PTPN14: variants seen among roughly 807,000 people sequenced by gnomAD.
PTPN14 encodes the protein protein tyrosine phosphatase non-receptor type 14, also known as tyrosine-protein phosphatase non-receptor type 14.
PTPN14 carries 53 observed loss-of-function variants against 126.8 expected under a neutral mutation model. The ratio of observed to expected loss-of-function variants is 0.42; its 90% CI spans 0.34 to 0.53. The LOEUF is 0.53. Ranked by LOEUF, PTPN14 falls within the 20% of genes least tolerant of loss-of-function variation. The probability of loss-of-function intolerance (pLI) is 0.08; values close to 1 mark genes in which losing one functional copy is unlikely to be tolerated. For missense variants in PTPN14, 1,257 were observed against 1,552.9 expected, an observed-to-expected ratio of 0.81 and a Z score of 3.20; for synonymous variants, 630 against 599.3, an observed-to-expected ratio of 1.05 and a Z score of -0.75.
At chr1:214,433,953 A>ACAC (rs1558100354) in intron 3 of PTPN14, among the ~76,000 whole-genome samples, 488 of 11,506 alleles carry the variant, frequency 0.042, 5 homozygotes, top group Non-Finnish European at 0.064. Flanking sequence ...CACACACACA[A>ACAC]AAAAAAAAAA....
At position 214,352,585 on chromosome 1, in the gene PTPN14, A is replaced by G. The variant is rs1045336082; in HGVS notation, c.*5337T>C. The G allele has an allele frequency of 6.6e-6, 1 of 152,224 alleles. No homozygotes were observed. 9.4% of individuals were successfully genotyped at this position (152,224 alleles called of 1,614,324 possible). ...GGTCCTTTGCCCCAAAATGTCTTAG[A>G]AGCTTAAGTAAAGACAAGAACTATT... is the stretch of plus-strand genomic sequence containing the variant. On this transcript the variant is annotated 3_prime_UTR_variant, in exon 19 of 19. Transcript: ENST00000366956.
At chr1:214,411,561 T>C (rs1659309887) in intron 5 of PTPN14, 123 bp downstream of exon 5, 1 of 675,246 alleles carries the variant, frequency 1.5e-6, no homozygotes, top group Non-Finnish European at 2.4e-6. Context: ...GCCCCTACTT[T>C]ATAAACCCAT....
At chr1:214,484,540 G>A (rs1661070776) in intron 1 of PTPN14, among the ~76,000 whole-genome samples, 1 of 152,178 alleles carries the variant, frequency 6.6e-6, no homozygotes, top group African/African-American at 2.4e-5. Flanking sequence ...GAGAAAACAA[G>A]ATACAGATGC....
chr1:214,374,007 C>T (rs2102524313), intron 15 of PTPN14, among the ~76,000 whole-genome samples: 1 of 152,238 alleles, frequency 6.6e-6, no homozygotes, highest in Admixed American at 6.5e-5. Flanking sequence ...CTGCTGAGAA[C>T]CATAAATAAG....
chr1:214,433,935 CACACACACACACACACAAA>C (rs1558100207), intron 3 of PTPN14, among the ~76,000 whole-genome samples: 1 of 16,718 alleles, frequency 6.0e-5, no homozygotes, highest in East Asian at 7.6e-4. Context: ...CACACACACA[CACACACACACACACACAAA>C]AAAAAAAAAA....
chr1:214,476,643 T>C (rs1378887591), intron 1 of PTPN14, among the ~76,000 whole-genome samples: 1 of 152,196 alleles, frequency 6.6e-6, no homozygotes, highest in Non-Finnish European at 1.5e-5. Context: ...TCCCTGGGAA[T>C]GTCGCCTCAT....
At chr1:214,452,192 TTAC>T (rs1403478778) in intron 2 of PTPN14, among the ~76,000 whole-genome samples, 1 of 152,212 alleles carries the variant, frequency 6.6e-6, no homozygotes, top group African/African-American at 2.4e-5. Flanking sequence ...TCCCTACTCA[TTAC>T]TACTGTTTGT....
At chr1:214,410,550 C>A (rs2102579138) in intron 5 of PTPN14, among the ~76,000 whole-genome samples, 1 of 152,332 alleles carries the variant, frequency 6.6e-6, no homozygotes, top group African/African-American at 2.4e-5. Flanking sequence ...CTAGGCCTCC[C>A]AAAGTGCTGA....
chr1:214,461,879 G>A (rs7531610), intron 2 of PTPN14, among the ~76,000 whole-genome samples: 126,134 of 152,164 alleles, frequency 0.83, 52,384 homozygotes, highest in African/African-American at 0.89. Context: ...AAGCAGCATC[G>A]GCTCTATTTG....
At chr1:214,369,851 G>T (rs191133981) in intron 16 of PTPN14, among the ~76,000 whole-genome samples, 160 bp from the exon 17 acceptor site, 127 of 152,342 alleles carry the variant, frequency 8.3e-4, no homozygotes, top group African/African-American at 3.0e-3. Context: ...ATACATGCTA[G>T]TTAAGACCAA....
Position 214,384,304 on chromosome 1 carries a change from C to T in PTPN14, c.1551G>A (p.Arg517=), listed in dbSNP as rs1454901087. The stretch of plus-strand genomic sequence containing the variant: ...TTGGTACCACATTATTCTTTGGGTT[C>T]CTCTGGTCAGATGGACTGACAAGTT... ...SNKLVSPSDQ[R]NPKNNVVPSK... is the part of the protein sequence containing the mutation. The change falls in exon 13 of 19, where the codon AGG becomes AGA. Residue 517 remains arginine, a synonymous_variant. Transcript: ENST00000366956. This position sits in a 1 kb window ranked among gnomAD's most constrained non-coding sequence, Gnocchi z 5.3. 6.2e-7 allele frequency: 1 copy of T among 1,614,150 alleles called. No individual in the cohort carries two copies. The highest frequency in any genetic ancestry group is 1.1e-5 in the South Asian group (1 of 91,068).
chr1:214,372,323 G>A (rs900349075), intron 16 of PTPN14: 1 of 237,688 alleles, frequency 4.2e-6, no homozygotes, highest in South Asian at 5.0e-5. Flanking sequence ...CGTCTATGTC[G>A]ATTTGCCCAG....
intron 1 of PTPN14, among the ~76,000 whole-genome samples, chr1:214,468,779 C>T (rs967033735): frequency 1.8e-4 from 27 of 152,282 alleles, no homozygotes; most frequent in African/African-American, 6.5e-4. Context: ...AGTAAACATG[C>T]TCATACCTAG....
chr1:214,367,060 C>G (rs1206949879), intron 17 of PTPN14, among the ~76,000 whole-genome samples: 2 of 151,874 alleles, frequency 1.3e-5, no homozygotes, highest in East Asian at 3.9e-4. Flanking sequence ...ATTTAAAAGA[C>G]TATACTTTAA....
chr1:214,544,157 G>A (rs1655911231), intron 1 of PTPN14, among the ~76,000 whole-genome samples: 1 of 152,222 alleles, frequency 6.6e-6, no homozygotes, highest in African/African-American at 2.4e-5. Context: ...TGGGCACAGG[G>A]GCCCACGCCT....
At chr1:214,496,402 T>C (rs960878522) in intron 1 of PTPN14, among the ~76,000 whole-genome samples, 3 of 152,168 alleles carry the variant, frequency 2.0e-5, no homozygotes, top group African/African-American at 7.2e-5. Context: ...GGGCAAGGAA[T>C]TCTAGTTATA....
intron 3 of PTPN14, among the ~76,000 whole-genome samples, chr1:214,431,919 G>A (rs865823013): frequency 2.0e-5 from 3 of 152,202 alleles, no homozygotes; most frequent in East Asian, 1.9e-4. Flanking sequence ...AGTGGCTCAC[G>A]CCTATAATCC....
At chr1:214,386,679 G>A (rs1186622788) in intron 12 of PTPN14, among the ~76,000 whole-genome samples, 165 bp downstream of exon 12, 2 of 152,232 alleles carry the variant, frequency 1.3e-5, no homozygotes. Context: ...AGAGGTAACT[G>A]ACAGTCTAGG....
At chr1:214,416,247 A>G (rs1659423184) in intron 3 of PTPN14, among the ~76,000 whole-genome samples, 1 of 152,216 alleles carries the variant, frequency 6.6e-6, no homozygotes, top group South Asian at 2.1e-4. Context: ...TGTACTATCT[A>G]AGGATTCAGT....
Sources: gnomAD v4.1 joint callset for allele counts (sites outside exome capture counted in the v4.1 genomes callset) on GRCh38, gnomAD v4.1.1 for gene constraint, Gnocchi (gnomAD v3.1) non-coding constraint, MANE v1.5 for transcripts, NCBI Gene and HGNC (gene_info 2026-07-23, HGNC 2026-07-21) for gene names.